Variants in SLC38A10 observed in about 807,000 individuals in gnomAD.
SLC38A10 encodes Sodium-coupled neutral amino acid transporter 10.
In SLC38A10, 53 loss-of-function variants were observed where a neutral mutation model predicts 81.0. That is an observed-to-expected ratio of 0.65 (90% CI 0.53 to 0.82). SLC38A10 has a LOEUF of 0.82. Ranked by LOEUF, SLC38A10 falls within the 40% of genes least tolerant of loss-of-function variation. The pLI is 0.00. For missense variants in SLC38A10, 1,471 were observed against 1,545.0 expected (o/e 0.95, Z 0.80); for synonymous variants, 665 against 655.3 (o/e 1.01, Z -0.23).
chr17:81,276,392 T>C lies in SLC38A10; in HGVS notation c.730-241A>G, dbSNP rs190779679. ...CCCATTTCTTTCTTTTTCTTTCTTTTTTTTTTTTTTTGAGACGGGGTCTCC... is the reference window on the plus strand; with the variant it reads ...CCCATTTCTTTCTTTTTCTTTCTTTCTTTTTTTTTTTGAGACGGGGTCTCC... On this transcript the variant is annotated intron_variant, in intron 7 of 15. Coordinates refer to ENST00000374759, the MANE Select transcript of SLC38A10 (RefSeq NM_001037984.3). The surrounding 1 kb of genome is among the most constrained non-coding windows in gnomAD (Gnocchi z 4.7). Among the ~76,000 whole-genome samples the C allele has an allele frequency of 8.7e-4, 132 of 151,166 alleles. No individual in the cohort carries two copies. The highest frequency in any genetic ancestry group is 1.5e-3 in the South Asian group (7 of 4,772).
Position 81,246,276 on chromosome 17 carries a change from C to A in SLC38A10, c.2640G>T (p.Gly880=). The change falls in exon 16 of 16, where the codon GGG becomes GGT. Residue 880 remains glycine, a synonymous_variant. Transcript: ENST00000374759. ...PEERLAEEFP[G]QSQDVTGGSQ... ...AACCGCCAGTAACGTCCTGACTTTG[C>A]CCAGGGAATTCCTCTGCGAGGCGCT... 1 of 1,612,442 alleles carries A rather than the reference C, an allele frequency of 6.2e-7. No homozygotes were observed. Among genetic ancestry groups the A allele is most frequent in the Non-Finnish European group, 8.5e-7 (1 of 1,179,934 alleles).
intron 10 of SLC38A10, among the ~76,000 whole-genome samples, chr17:81,266,626 AAAAAAAG>A (rs1417233615): frequency 1.3e-5 from 2 of 151,370 alleles, no homozygotes; most frequent in Non-Finnish European, 2.9e-5. Context: ...CTCAAAAAAA[AAAAAAAG>A]AAAAAGAAAA....
chr17:81,280,487 A>T, intron 6 of SLC38A10, 122 bp downstream of exon 6: 1 of 1,428,392 alleles, frequency 7.0e-7, no homozygotes, highest in Non-Finnish European at 9.5e-7. Flanking sequence ...ACTGAACAAG[A>T]CATCACTCTT....
intron 11 of SLC38A10, among the ~76,000 whole-genome samples, chr17:81,257,298 G>C (rs1457989457): frequency 6.6e-6 from 1 of 152,134 alleles, no homozygotes. Context: ...GTTTCACCAT[G>C]TTGGCTGGGC....
Position 81,289,338 on chromosome 17 carries a change from G to A in SLC38A10, c.217+353C>T, listed in dbSNP as rs974391018. ...ATTACAGGCACGAGCCACCACGCCC[G>A]GCAGGTTTTTTTTTTAACTGCATTT... is the stretch of plus-strand genomic sequence containing the variant. On this transcript the variant is annotated intron_variant, in intron 2 of 15. Coordinates refer to ENST00000374759, the MANE Select transcript of SLC38A10 (RefSeq NM_001037984.3). This position sits in a 1 kb window ranked among gnomAD's most constrained non-coding sequence, Gnocchi z 5.9. Among the ~76,000 whole-genome samples, 6 of 151,814 alleles carry A rather than the reference G, an allele frequency of 4.0e-5. No homozygotes were observed. Among genetic ancestry groups the A allele is most frequent in the East Asian group, 1.9e-4 (1 of 5,160 alleles).
intron 14 of SLC38A10, chr17:81,250,105 G>C: frequency 7.8e-7 from 1 of 1,287,682 alleles, no homozygotes. Context: ...TGCTCGTCCC[G>C]TTGAGAGGCA....
chr17:81,293,396 C>A lies in SLC38A10; in HGVS notation c.99+1427G>T, dbSNP rs906534443. Among the ~76,000 whole-genome samples, 10 of 152,362 alleles carry A rather than the reference C, an allele frequency of 6.6e-5. No individual in the cohort carries two copies. The South Asian group carries it at 2.1e-3, about 32-fold the overall frequency. Reference sequence around the variant, plus strand: ...TGTCTTCCCCTGACAGGCTCACCAACCATATCAGGCAAACAACTCAGACAC... The same window carrying A: ...TGTCTTCCCCTGACAGGCTCACCAAACATATCAGGCAAACAACTCAGACAC... On this transcript the variant is annotated intron_variant, in intron 1 of 15. Coordinates refer to ENST00000374759, the MANE Select transcript of SLC38A10 (RefSeq NM_001037984.3).
rs139805972 is a variant in SLC38A10, at chr17:81,287,933, C to T, written c.217+1758G>A. 2.0e-5 allele frequency among the ~76,000 whole-genome samples: 3 copies of T among 152,360 alleles called. No individual in the cohort carries two copies. In the East Asian group the frequency reaches 5.8e-4, roughly 29 times the overall value. ...AAAAGGGTCGCCCTGCAGGCCACAGCTCTGCAGACCCAGGAAGGGGCCCGC... is the reference window on the plus strand; with the variant it reads ...AAAAGGGTCGCCCTGCAGGCCACAGTTCTGCAGACCCAGGAAGGGGCCCGC... On this transcript the variant is annotated intron_variant, in intron 2 of 15. Transcript: ENST00000374759.
chr17:81,284,933 G>A (rs368105024), intron 2 of SLC38A10, 38 bp from the exon 3 acceptor site: 7 of 1,525,474 alleles, frequency 4.6e-6, no homozygotes, highest in African/African-American at 4.2e-5. Flanking sequence ...ATCCAACAGC[G>A]TGAGAAGCTC....
chr17:81,273,469 C>T (rs1567939560), intron 8 of SLC38A10, among the ~76,000 whole-genome samples: 1 of 152,176 alleles, frequency 6.6e-6, no homozygotes, highest in Admixed American at 6.5e-5. Context: ...GTGGTAAGGA[C>T]CAAATAAGTT....
Position 81,294,938 on chromosome 17 carries a change from G to GC in SLC38A10, c.-18dup. On this transcript the variant is annotated 5_prime_UTR_variant, in exon 1 of 16. Coordinates refer to ENST00000374759, the MANE Select transcript of SLC38A10 (RefSeq NM_001037984.3). ...CGCGGTCATAGTGAGAGGTCTAGGG[G>GC]CCCGGGGCGAGAGGCCTCGGGGGTC... 2 of 1,571,220 alleles carry GC rather than the reference G, an allele frequency of 1.3e-6. No individual in the cohort carries two copies. Among genetic ancestry groups the GC allele is most frequent in the Non-Finnish European group, 1.7e-6 (2 of 1,161,392 alleles).
At position 81,253,374 on chromosome 17, in the gene SLC38A10, A is replaced by G; in HGVS notation, c.1289-134T>C. On this transcript the variant is annotated intron_variant, in intron 11 of 15. Transcript: ENST00000374759. This position sits in a 1 kb window ranked among gnomAD's most constrained non-coding sequence, Gnocchi z 4.1. ...AGTTTCTTTTTCCTGTTCGATCATTAGCAGCTAAGTAGCACAGAAAACTGT... is the reference window on the plus strand; with the variant it reads ...AGTTTCTTTTTCCTGTTCGATCATTGGCAGCTAAGTAGCACAGAAAACTGT... 1 of 1,080,426 alleles carries G rather than the reference A, an allele frequency of 9.3e-7. No homozygotes were observed. Among genetic ancestry groups the G allele is most frequent in the Non-Finnish European group, 1.3e-6 (1 of 769,970 alleles). The allele number at this position is 1,080,426 out of a possible 1,614,324, so 66.9% of individuals were successfully genotyped here. A position where few individuals can be genotyped will look rare whatever the true frequency, so the allele number is the denominator to read the frequency against.
chr17:81,265,670 G>A lies in SLC38A10; in HGVS notation c.1131+5248C>T, dbSNP rs1391267357. Among the ~76,000 whole-genome samples, 2 of 152,220 alleles carry A rather than the reference G, an allele frequency of 1.3e-5. No homozygotes were observed. Among genetic ancestry groups the A allele is most frequent in the Non-Finnish European group, 2.9e-5 (2 of 68,034 alleles). ...CAGACAGGCCAAGGCACAGATCCAG[G>A]CCTGTGCCCCTCCGTGGGCGCAGCC... On this transcript the variant is annotated intron_variant, in intron 10 of 15. Transcript: ENST00000374759. This position sits in a 1 kb window ranked among gnomAD's most constrained non-coding sequence, Gnocchi z 4.2.
rs1452316594 is a variant in SLC38A10 at position 81,265,500 on chromosome 17, T to C, written c.1132-5106A>G. 1 of 152,304 alleles carries C rather than the reference T, an allele frequency of 6.6e-6. No individual in the cohort carries two copies. Among genetic ancestry groups the C allele is most frequent in the Non-Finnish European group, 1.5e-5 (1 of 68,068 alleles). The allele number at this position is 152,304 out of a possible 1,614,324, so 9.4% of individuals were successfully genotyped here. ...TCTGAGGACGAGCTGGAACATTCCT[T>C]CTTTTTCACGTCTTTCTCCAGCACA... On this transcript the variant is annotated intron_variant, in intron 10 of 15. Transcript: ENST00000374759. The surrounding 1 kb of genome is among the most constrained non-coding windows in gnomAD (Gnocchi z 4.2).
intron 2 of SLC38A10, chr17:81,285,300 C>T (rs1254515270): frequency 5.8e-6 from 1 of 172,424 alleles, no homozygotes; most frequent in Non-Finnish European, 1.2e-5. Flanking sequence ...AGTGCCGGTC[C>T]CAGGTACCCG....
chr17:81,291,954 G>C (rs895539054), intron 1 of SLC38A10, among the ~76,000 whole-genome samples: 3 of 152,174 alleles, frequency 2.0e-5, no homozygotes, highest in Non-Finnish European at 2.9e-5. Context: ...CACGGCCACA[G>C]AGTACGCTCC....
chr17:81,280,796 G>T, intron 5 of SLC38A10, 63 bp from the exon 6 acceptor site: 1 of 1,544,784 alleles, frequency 6.5e-7, no homozygotes, highest in Non-Finnish European at 8.7e-7. Flanking sequence ...TCAGCATCCC[G>T]GCCCACGCGC....
At chr17:81,293,514 C>T (rs913214893) in intron 1 of SLC38A10, among the ~76,000 whole-genome samples, 1 of 152,070 alleles carries the variant, frequency 6.6e-6, no homozygotes, top group African/African-American at 2.4e-5. Context: ...TTGTGTTGCC[C>T]AGGCTGGAGT....
chr17:81,282,397 C>T (rs968520593), intron 4 of SLC38A10, 65 bp from the exon 5 acceptor site: 1 of 1,547,576 alleles, frequency 6.5e-7, no homozygotes, highest in Non-Finnish European at 8.7e-7. Flanking sequence ...GCTCTCTGCA[C>T]TGACAGGGAG....
Sources: gnomAD v4.1 joint callset for allele counts (sites outside exome capture counted in the v4.1 genomes callset) on GRCh38, gnomAD v4.1.1 for gene constraint, Gnocchi (gnomAD v3.1) non-coding constraint, MANE v1.5 for transcripts, NCBI Gene and HGNC (gene_info 2026-07-23, HGNC 2026-07-21) for gene names.